The following ZZEF1 variants were observed in gnomAD, a reference collection of about 807,000 sequenced individuals.
ZZEF1 encodes the protein zinc finger ZZ-type and EF-hand domain containing 1.
Under a neutral mutation model 342.8 loss-of-function variants are expected in ZZEF1, and 157 were observed. The ratio of observed to expected loss-of-function variants is 0.46; its 90% CI spans 0.40 to 0.52. The LOEUF is 0.52. Ranked by LOEUF, ZZEF1 falls within the 20% of genes least tolerant of loss-of-function variation. The pLI is 0.00. For missense variants in ZZEF1, 3,480 were observed against 3,725.6 expected (o/e 0.93, Z 1.72); for synonymous variants, 1,505 against 1,429.1 (o/e 1.05, Z -1.20).
In ZZEF1 at chr17:4,099,803, C is replaced by T. The variant is rs556517680; in HGVS notation, c.1672+2514G>A. On this transcript the variant is annotated intron_variant, in intron 9 of 54. Coordinates refer to ENST00000381638, the MANE Select transcript of ZZEF1 (RefSeq NM_015113.4). ...TCAGGTGATCTGCCTGCTTCGGCCT[C>T]CCAAATTGCTGGGATTACAGGTGTG... 3.3e-5 allele frequency among the ~76,000 whole-genome samples: 5 copies of T among 152,194 alleles called. No individual in the cohort carries two copies. The East Asian group carries it at 7.7e-4, about 24-fold the overall frequency.
At chr17:4,138,103 G>T (rs1415884308) in intron 1 of ZZEF1, among the ~76,000 whole-genome samples, 2 of 152,214 alleles carry the variant, frequency 1.3e-5, no homozygotes, top group Non-Finnish European at 2.9e-5. Flanking sequence ...GAGTTAGGCT[G>T]ATGTGTGGGC....
intron 39 of ZZEF1, among the ~76,000 whole-genome samples, chr17:4,038,505 CAGA>C (rs1350814690): frequency 6.6e-6 from 1 of 152,116 alleles, no homozygotes; most frequent in African/African-American, 2.4e-5. Context: ...TAATGTTGAG[CAGA>C]AGAAGCCAGA....
chr17:4,136,802 C>G (rs1051415969), intron 1 of ZZEF1, among the ~76,000 whole-genome samples: 3 of 152,176 alleles, frequency 2.0e-5, no homozygotes, highest in Non-Finnish European at 4.4e-5. Flanking sequence ...CCCTCTCACT[C>G]CAGTATATCT....
intron 16 of ZZEF1, among the ~76,000 whole-genome samples, chr17:4,083,638 T>C (rs899053385): frequency 3.4e-5 from 1 of 29,736 alleles, no homozygotes; most frequent in Non-Finnish European, 1.4e-4. Context: ...CTTTTGTTCC[T>C]TTTTTTTTTT....
At position 4,114,438 on chromosome 17, in the gene ZZEF1, T is replaced by C. The variant is rs774688844; in HGVS notation, c.727A>G (p.Met243Val). The C allele has an allele frequency of 6.3e-7, 1 of 1,596,866 alleles. No homozygotes were observed. The highest frequency in any genetic ancestry group is 8.5e-7 in the Non-Finnish European group (1 of 1,171,866). Residue 243 changes from methionine (M) to valine (V), a missense_variant, in exon 4 of 55, where the codon ATG becomes GTG. Coordinates refer to ENST00000381638, the MANE Select transcript of ZZEF1 (RefSeq NM_015113.4). ...TTTGCTACTGACTTGAGTTTATCCA[T>C]CTCTGGACTTCTAGTTAGATCTCCA... ...SPGDLTRSPE[M>V]DKLKSVAKCY...
At chr17:4,142,034 T>A (rs1290688796) in intron 1 of ZZEF1, among the ~76,000 whole-genome samples, 1 of 152,180 alleles carries the variant, frequency 6.6e-6, no homozygotes, top group African/African-American at 2.4e-5. Context: ...TACAAACCAG[T>A]ATGTATTTTA....
chr17:4,040,675 ATAACT>A (rs1340767387), intron 39 of ZZEF1, among the ~76,000 whole-genome samples: 1 of 152,148 alleles, frequency 6.6e-6, no homozygotes, highest in Non-Finnish European at 1.5e-5. Context: ...AAAGGAGAAA[ATAACT>A]TAGGAAGGGG....
intron 8 of ZZEF1, among the ~76,000 whole-genome samples, chr17:4,102,839 G>A (rs756565640): frequency 5.3e-5 from 8 of 151,732 alleles, no homozygotes; most frequent in Non-Finnish European, 1.0e-4. Flanking sequence ...CAAAATTTCT[G>A]TTTCAAGAAT....
In ZZEF1 at chr17:4,109,650, T is replaced by A; in HGVS notation, c.1277+3A>T. On this transcript the variant is annotated splice_donor_region_variant and intron_variant, in intron 6 of 54. Transcript: ENST00000381638. Reference sequence around the variant, plus strand: ...GGGCTGGAACATAGAGAGAATGACTTACTGAGTATTGTGCAGCACTGTCTG... The same window carrying A: ...GGGCTGGAACATAGAGAGAATGACTAACTGAGTATTGTGCAGCACTGTCTG... The A allele has an allele frequency of 6.2e-7, 1 of 1,614,040 alleles. No individual in the cohort carries two copies. Among genetic ancestry groups the A allele is most frequent in the Non-Finnish European group, 8.5e-7 (1 of 1,179,934 alleles).
chr17:4,087,080 C>A (rs1312667659), intron 14 of ZZEF1, among the ~76,000 whole-genome samples: 1 of 152,090 alleles, frequency 6.6e-6, no homozygotes, highest in Non-Finnish European at 1.5e-5. Context: ...CGGGGTTTCA[C>A]CATATTGGCC....
In ZZEF1 at chr17:4,142,693, G is replaced by A. The variant is rs572396045; in HGVS notation, c.203C>T (p.Pro68Leu). The A allele has an allele frequency of 2.1e-5, 34 of 1,605,064 alleles. No homozygotes were observed. Among genetic ancestry groups the A allele is most frequent in the Middle Eastern group, 1.6e-4 (1 of 6,074 alleles). Residue 68 changes from proline (P) to leucine (L), a missense_variant, in exon 1 of 55, where the codon CCC becomes CTC. Pro to Leu is a moderately conservative substitution (Grantham distance 98, BLOSUM62 -3). Coordinates refer to ENST00000381638, the MANE Select transcript of ZZEF1 (RefSeq NM_015113.4). Reference sequence around the variant, plus strand: ...ATGCCTCGACACCAGCGACTCGCAGGGGGGTGTGGGCAGCAACGCTGCAGC... The same window carrying A: ...ATGCCTCGACACCAGCGACTCGCAGAGGGGTGTGGGCAGCAACGCTGCAGC... ...EAAAALLPTP[P>L]CESLVSRHRG...
Position 4,096,725 on chromosome 17 carries a change from A to C in ZZEF1, c.1673-25T>G, listed in dbSNP as rs769063745. ...CCTGAAAAAAGGGAAAACTCAAGTT[A>C]GGGAACTAACCCATTTTTATAGCCC... On this transcript the variant is annotated intron_variant, in intron 9 of 54. Coordinates refer to ENST00000381638, the MANE Select transcript of ZZEF1 (RefSeq NM_015113.4). 4 of 1,599,490 alleles carry C rather than the reference A, an allele frequency of 2.5e-6. No individual in the cohort carries two copies. In the African/African-American group the frequency reaches 4.0e-5, roughly 16 times the overall value.
intron 30 of ZZEF1, among the ~76,000 whole-genome samples, chr17:4,059,771 G>C (rs1038395768): frequency 6.6e-6 from 1 of 152,116 alleles, no homozygotes; most frequent in African/African-American, 2.4e-5. Context: ...TCTGCCATCT[G>C]CATCTCCAGT....
chr17:4,137,301 C>T (rs2058763867), intron 1 of ZZEF1, among the ~76,000 whole-genome samples: 2 of 152,136 alleles, frequency 1.3e-5, no homozygotes, highest in South Asian at 4.1e-4. Context: ...ACACACAAAG[C>T]CAAAGTAAGC....
chr17:4,075,254 A>T lies in ZZEF1; in HGVS notation c.3401+9T>A, dbSNP rs775555922. On this transcript the variant is annotated intron_variant, in intron 22 of 54. Coordinates refer to ENST00000381638, the MANE Select transcript of ZZEF1 (RefSeq NM_015113.4). ...AGCGCTTGGGGGTGAAAGAATATAG[A>T]AGTCTTACCTTTTTTCAGTTTCACA... 1.2e-6 allele frequency: 2 copies of T among 1,613,860 alleles called. No homozygotes were observed. The highest frequency in any genetic ancestry group is 1.7e-6 in the Non-Finnish European group (2 of 1,179,896).
chr17:4,075,122 T>A lies in ZZEF1; in HGVS notation c.3458A>T (p.Lys1153Ile), dbSNP rs749069937. Residue 1153 changes from lysine (K) to isoleucine (I), a missense_variant, in exon 23 of 55, where the codon AAA becomes ATA. Coordinates refer to ENST00000381638, the MANE Select transcript of ZZEF1 (RefSeq NM_015113.4). ...ARGRKTRYDT[K>I]VGTDKWPKKV... is the part of the protein sequence containing the mutation. Reference sequence around the variant, plus strand: ...CTTGGGCCATTTATCAGTGCCAACTTTTGTGTCATAGCGTGTTTTCCGACC... The same window carrying A: ...CTTGGGCCATTTATCAGTGCCAACTATTGTGTCATAGCGTGTTTTCCGACC... 2 of 1,614,224 alleles carry A rather than the reference T, an allele frequency of 1.2e-6. No homozygotes were observed. Among genetic ancestry groups the A allele is most frequent in the Non-Finnish European group, 8.5e-7 (1 of 1,180,030 alleles).
intron 27 of ZZEF1, 150 bp from the exon 28 acceptor site, chr17:4,066,690 A>G (rs1054008550): frequency 4.4e-6 from 3 of 680,968 alleles, no homozygotes; most frequent in Non-Finnish European, 7.6e-6. Flanking sequence ...TCACAACCTT[A>G]TTACTTAAAA....
chr17:4,081,028 G>A (rs755556832), intron 18 of ZZEF1, among the ~76,000 whole-genome samples: 21 of 152,028 alleles, frequency 1.4e-4, no homozygotes, highest in Non-Finnish European at 2.1e-4. Flanking sequence ...CTTGATTCCA[G>A]GAGTTCAAGA....
At chr17:4,135,558 A>C (rs1247962434) in intron 1 of ZZEF1, among the ~76,000 whole-genome samples, 1 of 152,114 alleles carries the variant, frequency 6.6e-6, no homozygotes, top group Non-Finnish European at 1.5e-5. Context: ...TACACACATC[A>C]GTGATGCTTC....
Sources: gnomAD v4.1 joint callset for allele counts (sites outside exome capture counted in the v4.1 genomes callset) on GRCh38, gnomAD v4.1.1 for gene constraint, MANE v1.5 for transcripts, NCBI Gene and HGNC (gene_info 2026-07-23, HGNC 2026-07-21) for gene names.